The following CNR2 variants were observed in gnomAD, a reference collection of about 807,000 sequenced individuals.
CNR2 encodes cannabinoid receptor 2.
For missense variants in CNR2, 379 were observed against 439.9 expected (o/e 0.86, Z 1.24); for synonymous variants, 172 against 182.2 (o/e 0.94, Z 0.45).
chr1:23,900,034 G>A (rs895430439), intron 1 of CNR2, among the ~76,000 whole-genome samples: 1 of 150,504 alleles, frequency 6.6e-6, no homozygotes, highest in African/African-American at 2.4e-5. Context: ...TGCAGCTGGA[G>A]GCTACAAGAT....
chr1:23,913,153 T>C, intron 1 of CNR2, 93 bp downstream of exon 1: 1 of 172,730 alleles, frequency 5.8e-6, no homozygotes, highest in Non-Finnish European at 1.2e-5. Context: ...AGAGCAAAAC[T>C]CCGTCTCAAA....
chr1:23,897,672 G>A (rs960191369), intron 1 of CNR2, among the ~76,000 whole-genome samples: 47 of 151,982 alleles, frequency 3.1e-4, no homozygotes, highest in African/African-American at 1.0e-3. Flanking sequence ...ATGTTGGCCA[G>A]GCTGGTCTTG....
rs1639843170 is a variant in CNR2 at position 23,874,979 on chromosome 1, G to A, written c.639C>T (p.Leu213=). The A allele has an allele frequency of 1.9e-6, 3 of 1,609,938 alleles. No individual in the cohort carries two copies. Among genetic ancestry groups the A allele is most frequent in the Admixed American group, 3.4e-5 (2 of 59,646 alleles). The change falls in exon 2 of 2, where the codon CTC becomes CTT. Residue 213 remains leucine, a synonymous_variant. Coordinates refer to ENST00000374472, the MANE Select transcript of CNR2 (RefSeq NM_001841.3). ...TGGCCACATGCTGATGGGCCTTCCA[G>A]AGAACATGCCCATAGGTGTAGATGA... ...SGIIYTYGHV[L]WKAHQHVASL...
chr1:23,904,178 G>GTT (rs941406053), intron 1 of CNR2, among the ~76,000 whole-genome samples: 38 of 132,534 alleles, frequency 2.9e-4, no homozygotes, highest in East Asian at 8.7e-4. Flanking sequence ...TCGTTTCATT[G>GTT]TTTTTTTTTT....
intron 1 of CNR2, chr1:23,902,487 T>A: frequency 6.2e-7 from 1 of 1,605,282 alleles, no homozygotes; most frequent in Admixed American, 1.7e-5. Context: ...CGCTTCCAGA[T>A]CGATCTCATC....
chr1:23,897,832 C>T (rs1640310184), intron 1 of CNR2, among the ~76,000 whole-genome samples: 1 of 152,100 alleles, frequency 6.6e-6, no homozygotes, highest in Admixed American at 6.6e-5. Context: ...TATGAGAAGG[C>T]AGCTGGATTC....
intron 1 of CNR2, among the ~76,000 whole-genome samples, chr1:23,905,775 C>T (rs1489623068): frequency 6.6e-6 from 1 of 152,158 alleles, no homozygotes; most frequent in Non-Finnish European, 1.5e-5. Context: ...AGCTGATCCT[C>T]CTGTAAGTTC....
chr1:23,889,021 T>C (rs1321937044), intron 1 of CNR2, among the ~76,000 whole-genome samples: 1 of 152,064 alleles, frequency 6.6e-6, no homozygotes, highest in Non-Finnish European at 1.5e-5. Context: ...TGAACCACCA[T>C]GACCAAGTCC....
chr1:23,906,791 C>G (rs1263081177), intron 1 of CNR2, among the ~76,000 whole-genome samples: 1 of 151,618 alleles, frequency 6.6e-6, no homozygotes, highest in Non-Finnish European at 1.5e-5. Flanking sequence ...ACTTGACAGA[C>G]TCAGATGAGA....
intron 1 of CNR2, among the ~76,000 whole-genome samples, chr1:23,908,766 A>G (rs1640539362): frequency 6.6e-6 from 1 of 152,134 alleles, no homozygotes; most frequent in Admixed American, 6.6e-5. Flanking sequence ...TTCCAGCTCC[A>G]TCAGATTTTC....
At chr1:23,886,341 G>T (rs1466034078) in intron 1 of CNR2, among the ~76,000 whole-genome samples, 1 of 152,142 alleles carries the variant, frequency 6.6e-6, no homozygotes, top group African/African-American at 2.4e-5. Flanking sequence ...GGTAGATACG[G>T]CCCTGTCTAG....
Position 23,874,400 on chromosome 1 carries a change from T to C in CNR2, c.*135A>G. 1 of 975,320 alleles carries C rather than the reference T, an allele frequency of 1.0e-6. No individual in the cohort carries two copies. The highest frequency in any genetic ancestry group is 1.5e-6 in the Non-Finnish European group (1 of 657,996). The allele number at this position is 975,320 out of a possible 1,614,324, so 60.4% of individuals were successfully genotyped here. Reference sequence around the variant, plus strand: ...GTCTTCCAGGAGTCAGTCCCAACACTCATCAGCAAAAAGGGGTCCGTGTCT... The same window carrying C: ...GTCTTCCAGGAGTCAGTCCCAACACCCATCAGCAAAAAGGGGTCCGTGTCT... On this transcript the variant is annotated 3_prime_UTR_variant, in exon 2 of 2. Coordinates refer to ENST00000374472, the MANE Select transcript of CNR2 (RefSeq NM_001841.3).
chr1:23,902,689 C>T, intron 1 of CNR2: 2 of 1,593,446 alleles, frequency 1.3e-6, no homozygotes, highest in East Asian at 2.2e-5. Context: ...TGCACGTCGG[C>T]CACGAGCTCG....
In CNR2 at chr1:23,873,122, G is replaced by C. The variant is rs1221016565; in HGVS notation, c.*1413C>G. The C allele has an allele frequency of 6.6e-6, 1 of 152,180 alleles. No individual in the cohort carries two copies. The highest frequency in any genetic ancestry group is 1.5e-5 in the Non-Finnish European group (1 of 68,034). The allele number at this position is 152,180 out of a possible 1,614,324, so 9.4% of individuals were successfully genotyped here. A position where few individuals can be genotyped will look rare whatever the true frequency, so the allele number is the denominator to read the frequency against. On this transcript the variant is annotated 3_prime_UTR_variant, in exon 2 of 2. Transcript: ENST00000374472. ...ATTCCATTTGAGGTCCCAAATAATTGCATTAGAATTCCTCTGCAATCTTCC... is the reference window on the plus strand; with the variant it reads ...ATTCCATTTGAGGTCCCAAATAATTCCATTAGAATTCCTCTGCAATCTTCC...
At chr1:23,905,409 A>C (rs1640471638) in intron 1 of CNR2, among the ~76,000 whole-genome samples, 1 of 151,196 alleles carries the variant, frequency 6.6e-6, no homozygotes. Context: ...CAAACTCCTG[A>C]CCTCAGGTGA....
chr1:23,899,473 T>G (rs543964704), intron 1 of CNR2, among the ~76,000 whole-genome samples: 4 of 152,180 alleles, frequency 2.6e-5, no homozygotes, highest in East Asian at 3.9e-4. Context: ...CCTTCTTGGC[T>G]GGGGACTAGA....
At chr1:23,891,797 T>C (rs1433836510) in intron 1 of CNR2, among the ~76,000 whole-genome samples, 1 of 152,144 alleles carries the variant, frequency 6.6e-6, no homozygotes, top group Non-Finnish European at 1.5e-5. Context: ...GATTGTGAGC[T>C]CCTTGTCTTG....
intron 1 of CNR2, among the ~76,000 whole-genome samples, chr1:23,899,974 GAAAGAAAGAAAGA>G (rs1557532771): frequency 9.0e-4 from 1 of 1,116 alleles, no homozygotes; most frequent in Non-Finnish European, 6.8e-3. Flanking sequence ...AGAAAGAAAG[GAAAGAAAGAAAGA>G]AAAGAAAGAA....
chr1:23,910,006 C>T (rs1413945145), intron 1 of CNR2, among the ~76,000 whole-genome samples: 2 of 151,600 alleles, frequency 1.3e-5, no homozygotes, highest in Non-Finnish European at 2.9e-5. Context: ...GCTCAGTTAC[C>T]CAGGCAATAA....
Sources: allele counts gnomAD v4.1 joint callset (sites outside exome capture counted in the v4.1 genomes callset), GRCh38; gene constraint gnomAD v4.1.1; transcripts MANE v1.5; gene names NCBI Gene and HGNC (gene_info 2026-07-23, HGNC 2026-07-21).